Variants in MACROD2 observed in about 807,000 individuals in gnomAD.
MACROD2 encodes mono-ADP ribosylhydrolase 2, also known as ADP-ribose glycohydrolase MACROD2.
A neutral mutation model predicts 70.4 loss-of-function variants in MACROD2; 36 were observed. The ratio of observed to expected loss-of-function variants is 0.51; its 90% CI spans 0.39 to 0.68. The LOEUF (loss-of-function observed/expected upper bound fraction) is 0.68. Among genes scored for constraint, MACROD2 ranks in the 30% least tolerant of loss-of-function variants. The pLI is 0.00. For synonymous variants in MACROD2, 172 were observed against 178.8 expected, an observed-to-expected ratio of 0.96 and a Z score of 0.30; for missense variants, 496 against 538.4, an observed-to-expected ratio of 0.92 and a Z score of 0.78.
chr20:15,188,011 G>A (rs1393795121), intron 5 of MACROD2, among the ~76,000 whole-genome samples: 1 of 152,080 alleles, frequency 6.6e-6, no homozygotes. Context: ...ATGTAATGGG[G>A]GCTTTCAGAA....
intron 6 of MACROD2, among the ~76,000 whole-genome samples, chr20:15,261,092 T>A (rs1318312383): frequency 6.6e-6 from 1 of 151,992 alleles, no homozygotes; most frequent in African/African-American, 2.4e-5. Context: ...AGGCAACATC[T>A]AACCAGAAGA....
chr20:15,702,679 C>T lies in MACROD2; in HGVS notation c.646-160066C>T, dbSNP rs1356140677. ...AAGAGGCTTTTTAGTTTAATTAGAT[C>T]CCACTTGTCAGTTTTTACTGTTGCT... is the stretch of plus-strand genomic sequence containing the variant. On this transcript the variant is annotated intron_variant, in intron 8 of 17. Transcript: ENST00000684519. Among the ~76,000 whole-genome samples the T allele has an allele frequency of 3.9e-5, 6 of 152,082 alleles. No homozygotes were observed. The East Asian group carries it at 1.2e-3, about 29-fold the overall frequency.
intron 5 of MACROD2, among the ~76,000 whole-genome samples, chr20:15,096,353 C>T (rs114039248): frequency 0.019 from 2,871 of 151,290 alleles, 96 homozygotes; most frequent in African/African-American, 0.066. Context: ...GCAAGCAGTT[C>T]GTAAGTGGCT....
intron 12 of MACROD2, among the ~76,000 whole-genome samples, chr20:15,959,736 G>A (rs532187870): frequency 6.9e-4 from 105 of 152,144 alleles, no homozygotes; most frequent in African/African-American, 2.4e-3. Flanking sequence ...GTTTCACTAT[G>A]TTGACCAGTC....
intron 5 of MACROD2, among the ~76,000 whole-genome samples, chr20:15,081,472 C>T (rs549265045): frequency 1.2e-4 from 19 of 152,138 alleles, no homozygotes; most frequent in Non-Finnish European, 2.4e-4. Context: ...GAATTCAGAA[C>T]TCAGTCTTGT....
chr20:15,463,124 C>T (rs751715561), intron 7 of MACROD2, among the ~76,000 whole-genome samples: 33 of 152,172 alleles, frequency 2.2e-4, no homozygotes, highest in Admixed American at 1.6e-3. Flanking sequence ...ACCCAGTGTT[C>T]CCCTGGGAGA....
chr20:14,389,698 G>A (rs2083507152), intron 3 of MACROD2, among the ~76,000 whole-genome samples: 1 of 152,084 alleles, frequency 6.6e-6, no homozygotes, highest in African/African-American at 2.4e-5. Flanking sequence ...TCTCTCAATG[G>A]CAAATGGCAC....
chr20:14,405,494 A>G (rs764470504), intron 3 of MACROD2, among the ~76,000 whole-genome samples: 5 of 152,164 alleles, frequency 3.3e-5, no homozygotes, highest in Non-Finnish European at 5.9e-5. Flanking sequence ...CCAGTAGGCT[A>G]TTGGAGGACT....
chr20:14,290,714 G>T (rs2082379382), intron 3 of MACROD2, among the ~76,000 whole-genome samples: 1 of 152,150 alleles, frequency 6.6e-6, no homozygotes, highest in South Asian at 2.1e-4. Flanking sequence ...TCTCCATGTT[G>T]GTCAGCCTGG....
At chr20:15,607,958 G>C (rs1454803825) in intron 8 of MACROD2, among the ~76,000 whole-genome samples, 1 of 152,190 alleles carries the variant, frequency 6.6e-6, no homozygotes, top group East Asian at 1.9e-4. Flanking sequence ...TGTCATCTGA[G>C]TTGGGAAAAA....
chr20:15,730,308 TA>T (rs751706255), intron 8 of MACROD2, among the ~76,000 whole-genome samples: 3 of 152,194 alleles, frequency 2.0e-5, no homozygotes, highest in Non-Finnish European at 2.9e-5. Context: ...TCTATGTACT[TA>T]AATGTGTTTT....
chr20:14,521,887 T>G (rs932949474), intron 4 of MACROD2, among the ~76,000 whole-genome samples: 3 of 152,180 alleles, frequency 2.0e-5, no homozygotes, highest in Non-Finnish European at 4.4e-5. Context: ...TTCTCACACA[T>G]CTCATTTCAG....
intron 8 of MACROD2, among the ~76,000 whole-genome samples, chr20:15,583,696 T>C (rs532138596): frequency 6.6e-6 from 1 of 152,274 alleles, no homozygotes; most frequent in Admixed American, 6.5e-5. Flanking sequence ...CAGGTTGGAG[T>C]GCAGTGGCAT....
At chr20:15,364,662 T>G (rs988763969) in intron 6 of MACROD2, among the ~76,000 whole-genome samples, 3 of 152,248 alleles carry the variant, frequency 2.0e-5, no homozygotes, top group Admixed American at 6.5e-5. Flanking sequence ...ATCTACCTTT[T>G]GATCAGAGCT....
At chr20:15,238,295 A>G (rs960944093) in intron 6 of MACROD2, among the ~76,000 whole-genome samples, 2 of 152,198 alleles carry the variant, frequency 1.3e-5, no homozygotes, top group Admixed American at 6.5e-5. Flanking sequence ...CTTATATCCT[A>G]TAGAATACAT....
intron 5 of MACROD2, among the ~76,000 whole-genome samples, chr20:15,166,190 A>G (rs2076382641): frequency 6.6e-6 from 1 of 152,174 alleles, no homozygotes; most frequent in Non-Finnish European, 1.5e-5. Context: ...TTCCTAAAAA[A>G]TCACTGGATT....
rs1247507010 is a variant in MACROD2, at chr20:15,403,680, A to G, written c.541-27725A>G. 2.6e-5 allele frequency among the ~76,000 whole-genome samples: 4 copies of G among 150,976 alleles called. No individual in the cohort carries two copies. The East Asian group carries it at 7.7e-4, about 29-fold the overall frequency. On this transcript the variant is annotated intron_variant, in intron 6 of 17. Coordinates refer to ENST00000684519, the MANE Select transcript of MACROD2 (RefSeq NM_001351661.2). ...GAAGTTTTCTGGAGATTTTATAAAA[A>G]TTTTTGTCTCTTAATATGAGCAGTT...
intron 6 of MACROD2, among the ~76,000 whole-genome samples, chr20:15,296,677 T>C (rs978395699): frequency 6.6e-6 from 1 of 152,220 alleles, no homozygotes; most frequent in African/African-American, 2.4e-5. Context: ...GGTAATGTTC[T>C]GTCCTAATAA....
At chr20:14,562,167 G>C (rs2123294209) in intron 4 of MACROD2, among the ~76,000 whole-genome samples, 1 of 151,918 alleles carries the variant, frequency 6.6e-6, no homozygotes, top group East Asian at 1.9e-4. Context: ...TGGGATTTGG[G>C]AGGTAAAACC....
Sources: allele counts gnomAD v4.1 joint callset (sites outside exome capture counted in the v4.1 genomes callset), GRCh38; gene constraint gnomAD v4.1.1; transcripts MANE v1.5; gene names NCBI Gene and HGNC (gene_info 2026-07-23, HGNC 2026-07-21).